The following XKR4 variants were observed in gnomAD, a reference collection of about 807,000 sequenced individuals.
XKR4 encodes XK-related protein 4.
In XKR4, 12 loss-of-function variants were observed where a neutral mutation model predicts 53.9. That is an observed-to-expected ratio of 0.22 (90% CI 0.14 to 0.36). The LOEUF (loss-of-function observed/expected upper bound fraction) is 0.36. Ranked by LOEUF, XKR4 falls within the 10% of genes least tolerant of loss-of-function variation. The pLI, the probability that XKR4 is intolerant of heterozygous loss-of-function variation, is 1.00. For synonymous variants in XKR4, 354 were observed against 362.4 expected, an observed-to-expected ratio of 0.98 and a Z score of 0.26; for missense variants, 799 against 859.5, an observed-to-expected ratio of 0.93 and a Z score of 0.88.
At chr8:55,383,978 G>A (rs1804271839) in intron 2 of XKR4, among the ~76,000 whole-genome samples, 1 of 152,168 alleles carries the variant, frequency 6.6e-6, no homozygotes, top group Non-Finnish European at 1.5e-5. Flanking sequence ...TTATTAGTAA[G>A]GGGAGGCATC....
rs7838121 is a variant in XKR4 at position 55,261,933 on chromosome 8, C to T, written c.807-95745C>T. 2.2e-3 allele frequency among the ~76,000 whole-genome samples: 332 copies of T among 151,544 alleles called. 1 individual carries two copies. The highest frequency in any genetic ancestry group is 7.7e-3 in the African/African-American group (317 of 41,352). ...AAAGTATCTTTTTGTAGACTGTAAGCAGTATCTTTATCCACGTCCTGGAAG... is the reference window on the plus strand; with the variant it reads ...AAAGTATCTTTTTGTAGACTGTAAGTAGTATCTTTATCCACGTCCTGGAAG... On this transcript the variant is annotated intron_variant, in intron 1 of 2. Coordinates refer to ENST00000327381, the MANE Select transcript of XKR4 (RefSeq NM_052898.2).
intron 1 of XKR4, among the ~76,000 whole-genome samples, chr8:55,280,312 C>T (rs1429055238): frequency 1.3e-5 from 2 of 152,134 alleles, no homozygotes; most frequent in African/African-American, 4.8e-5. Context: ...AGATCTGCAA[C>T]TGAGAATGCT....
Position 55,178,222 on chromosome 8 carries a change from A to G in XKR4, c.806+74928A>G, listed in dbSNP as rs1356456775. 4.6e-5 allele frequency among the ~76,000 whole-genome samples: 7 copies of G among 152,228 alleles called. No homozygotes were observed. The East Asian group carries it at 1.3e-3, about 29-fold the overall frequency. On this transcript the variant is annotated intron_variant, in intron 1 of 2. Transcript: ENST00000327381. ...TCCTTACACTTAATTGTAGAAGTGG[A>G]CAGTCATATAGTTTAATCCTCTCAT...
chr8:55,378,021 CG>C (rs1804175307), intron 2 of XKR4, among the ~76,000 whole-genome samples: 1 of 152,256 alleles, frequency 6.6e-6, no homozygotes, highest in South Asian at 2.1e-4. Flanking sequence ...CTGTCTTCAT[CG>C]GGGGAATAGA....
intron 2 of XKR4, among the ~76,000 whole-genome samples, chr8:55,431,205 T>C (rs1805098842): frequency 6.6e-6 from 1 of 152,226 alleles, no homozygotes; most frequent in African/African-American, 2.4e-5. Context: ...AGTTTAGTCT[T>C]TTCCCTGAGA....
chr8:55,437,981 A>C (rs1157779253), intron 2 of XKR4, among the ~76,000 whole-genome samples: 2 of 151,926 alleles, frequency 1.3e-5, no homozygotes, highest in African/African-American at 4.8e-5. Context: ...AAGAAGAAGA[A>C]GAAGAAAGAA....
Position 55,120,193 on chromosome 8 carries a change from G to A in XKR4, c.806+16899G>A, listed in dbSNP as rs1050267017. 5.9e-5 allele frequency among the ~76,000 whole-genome samples: 9 copies of A among 152,254 alleles called. No individual in the cohort carries two copies. The East Asian group carries it at 1.5e-3, about 26-fold the overall frequency. ...GCTTAACCAACCTCCTGTGCCAAAG[G>A]TAACTGACTTTGCCATTCATTCATG... is the stretch of plus-strand genomic sequence containing the variant. On this transcript the variant is annotated intron_variant, in intron 1 of 2. Transcript: ENST00000327381.
At chr8:55,449,370 T>C in intron 2 of XKR4, 1 of 604,880 alleles carries the variant, frequency 1.7e-6, no homozygotes, top group South Asian at 1.9e-5. Context: ...ACTAGGGCTG[T>C]ACACACAAGT....
chr8:55,173,265 C>T (rs1286814324), intron 1 of XKR4, among the ~76,000 whole-genome samples: 1 of 152,042 alleles, frequency 6.6e-6, no homozygotes, highest in Non-Finnish European at 1.5e-5. Context: ...AGTCCGCTCC[C>T]AGCATGGCAC....
intron 2 of XKR4, chr8:55,454,887 T>C: frequency 1.3e-6 from 1 of 765,924 alleles, no homozygotes. Flanking sequence ...TGTCGTTTCC[T>C]GCTCCCAGAA....
intron 1 of XKR4, among the ~76,000 whole-genome samples, chr8:55,249,716 TG>T (rs1818339234): frequency 6.6e-6 from 1 of 152,244 alleles, no homozygotes; most frequent in Non-Finnish European, 1.5e-5. Flanking sequence ...AGAAAGATTT[TG>T]TTTTCAATAA....
intron 1 of XKR4, among the ~76,000 whole-genome samples, chr8:55,256,320 T>G (rs1262735595): frequency 6.6e-6 from 1 of 152,164 alleles, no homozygotes; most frequent in Non-Finnish European, 1.5e-5. Flanking sequence ...AACCAAAGAA[T>G]GGCATGGCCA....
At chr8:55,388,697 C>T (rs1396086363) in intron 2 of XKR4, among the ~76,000 whole-genome samples, 1 of 152,196 alleles carries the variant, frequency 6.6e-6, no homozygotes, top group Admixed American at 6.5e-5. Context: ...ATTAGGACTT[C>T]CACGTATGAG....
intron 2 of XKR4, among the ~76,000 whole-genome samples, chr8:55,472,351 A>C (rs960459447): frequency 2.6e-5 from 4 of 152,182 alleles, no homozygotes; most frequent in African/African-American, 9.7e-5. Flanking sequence ...TCTCTGATTC[A>C]AGGAGTCATT....
intron 1 of XKR4, among the ~76,000 whole-genome samples, chr8:55,230,853 C>A (rs1283370217): frequency 4.6e-5 from 7 of 152,162 alleles, no homozygotes. Flanking sequence ...ACACAGAGAT[C>A]CCGCCAAGCC....
At chr8:55,337,923 T>A (rs942389285) in intron 1 of XKR4, among the ~76,000 whole-genome samples, 3 of 152,220 alleles carry the variant, frequency 2.0e-5, no homozygotes, top group African/African-American at 7.2e-5. Context: ...TTTGGTTACC[T>A]TGCTGCCATA....
At chr8:55,214,305 A>G (rs1817772925) in intron 1 of XKR4, among the ~76,000 whole-genome samples, 2 of 152,220 alleles carry the variant, frequency 1.3e-5, no homozygotes, top group African/African-American at 4.8e-5. Flanking sequence ...AAACATGCTG[A>G]GGGCAATACC....
intron 2 of XKR4, among the ~76,000 whole-genome samples, chr8:55,513,499 A>T (rs2129404863): frequency 6.6e-6 from 1 of 152,346 alleles, no homozygotes; most frequent in South Asian, 2.1e-4. Context: ...GCCTGAACCT[A>T]TCATGCCTGT....
chr8:55,113,545 G>A (rs1381150053), intron 1 of XKR4, among the ~76,000 whole-genome samples: 1 of 152,138 alleles, frequency 6.6e-6, no homozygotes, highest in Non-Finnish European at 1.5e-5. Flanking sequence ...TGTGATAATG[G>A]TCAGGTTTAT....
Sources: gnomAD v4.1 joint callset for allele counts (sites outside exome capture counted in the v4.1 genomes callset) on GRCh38, gnomAD v4.1.1 for gene constraint, MANE v1.5 for transcripts, NCBI Gene and HGNC (gene_info 2026-07-23, HGNC 2026-07-21) for gene names.